Variants in RUFY4 observed in about 807,000 individuals in gnomAD.
RUFY4 encodes the protein RUN and FYVE domain-containing protein 4.
In RUFY4, 73 loss-of-function variants were observed where a neutral mutation model predicts 69.0. The ratio of observed to expected loss-of-function variants is 1.06; its 90% CI spans 0.88 to 1.29. The LOEUF is 1.29. Ranked by LOEUF, RUFY4 falls within the 50% of genes most tolerant of loss-of-function variation. The pLI, the probability that RUFY4 is intolerant of heterozygous loss-of-function variation, is 0.00. For missense variants in RUFY4, 770 were observed against 705.6 expected (o/e 1.09, Z -1.03); for synonymous variants, 287 against 271.8 (o/e 1.06, Z -0.55).
exon 2 of RUFY4, chr2:218,070,794 G>C: frequency 9.1e-6 from 14 of 1,537,198 alleles, no homozygotes; most frequent in Non-Finnish European, 1.2e-5. Flanking sequence ...GGATGGGCAG[G>C]GGCCAGTGAC....
intron 2 of RUFY4, among the ~76,000 whole-genome samples, chr2:218,049,294 G>A (rs1485942560): frequency 6.6e-6 from 1 of 152,122 alleles, no homozygotes; most frequent in Non-Finnish European, 1.5e-5. Flanking sequence ...TCCAGAGTTG[G>A]CAGGTGTTTT....
chr2:218,048,779 T>G (rs1688883709), intron 2 of RUFY4, among the ~76,000 whole-genome samples: 1 of 152,214 alleles, frequency 6.6e-6, no homozygotes, highest in South Asian at 2.1e-4. Context: ...AGTGTCATTT[T>G]TAGTGGATTT....
chr2:218,089,474 G>C (rs1456012562), intron 10 of RUFY4, 112 bp downstream of exon 12: 4 of 825,140 alleles, frequency 4.8e-6, no homozygotes, highest in Non-Finnish European at 7.8e-6. Context: ...GTTTATAAAA[G>C]GCCACTTACA....
intron 3 of RUFY4, among the ~76,000 whole-genome samples, chr2:218,063,355 T>C (rs1292487085): frequency 6.6e-6 from 1 of 151,824 alleles, no homozygotes; most frequent in Non-Finnish European, 1.5e-5. Flanking sequence ...CTGGGCACAG[T>C]CAGAAAAAGA....
chr2:218,089,389 C>T (rs1689976842), intron 10 of RUFY4, 27 bp downstream of exon 12: 1 of 1,596,072 alleles, frequency 6.3e-7, no homozygotes. Context: ...AGAATCCTCC[C>T]TCTGGGACAG....
chr2:218,055,023 T>C (rs985953557), intron 2 of RUFY4, among the ~76,000 whole-genome samples: 2 of 152,216 alleles, frequency 1.3e-5, no homozygotes, highest in Non-Finnish European at 2.9e-5. Context: ...TATTTTAACC[T>C]ATTTCCGGGT....
chr2:218,058,280 TA>T (rs1299483448), intron 2 of RUFY4, among the ~76,000 whole-genome samples: 1 of 152,198 alleles, frequency 6.6e-6, no homozygotes. Context: ...TTTAACGTTT[TA>T]AAACATTTTC....
rs190604567 is a variant in RUFY4, at chr2:218,060,964, G to A, written c.-1071+2283G>A. On this transcript the variant is annotated intron_variant and NMD_transcript_variant, in intron 3 of 13. Transcript: ENST00000457754. ...AAGTGGCGCTGCTGGGTCAGTGTGC[G>A]TGTGGCATGGACAATGGCCAGGTAA... 9.1e-4 allele frequency: 750 copies of A among 824,646 alleles called. 4 individuals carry two copies. In the African/African-American group the frequency reaches 0.011, roughly 12 times the overall value. The allele number at this position is 824,646 out of a possible 1,614,324, so 51.1% of individuals were successfully genotyped here.
At chr2:218,068,179 G>GGGCAGGGGGCTGGAGGAC (rs1384826808), upstream of RUFY4, among the ~76,000 whole-genome samples, 13 of 149,016 alleles carry the variant, frequency 8.7e-5, no homozygotes, top group African/African-American at 3.2e-4. Context: ...GGTTAGAGGA[G>GGGCAGGGGGCTGGAGGAC]GGCAGGGGAC....
At chr2:218,042,654 A>G (rs1431629767) in intron 2 of RUFY4, among the ~76,000 whole-genome samples, 1 of 152,174 alleles carries the variant, frequency 6.6e-6, no homozygotes, top group Admixed American at 6.5e-5. Context: ...CATAGCAGCA[A>G]GCATGAAAGT....
chr2:218,073,507 C>T, intron 5 of RUFY4, 121 bp downstream of exon 7: 1 of 1,370,930 alleles, frequency 7.3e-7, no homozygotes, highest in Non-Finnish European at 1.0e-6. Flanking sequence ...TCCTTTTGCT[C>T]CATGCCTTTG....
At chr2:218,052,463 C>A (rs1688965960) in intron 2 of RUFY4, among the ~76,000 whole-genome samples, 1 of 152,200 alleles carries the variant, frequency 6.6e-6, no homozygotes, top group South Asian at 2.1e-4. Flanking sequence ...CATACTCTTA[C>A]CGTGTCTAAT....
At position 218,077,591 on chromosome 2, in the gene RUFY4, G is replaced by T. The variant is rs540183842; in HGVS notation, c.1355+1058G>T. 1.1e-4 allele frequency among the ~76,000 whole-genome samples: 16 copies of T among 152,228 alleles called. No homozygotes were observed. The South Asian group carries it at 2.5e-3, about 24-fold the overall frequency. On this transcript the variant is annotated intron_variant, in intron 8 of 10. Coordinates refer to ENST00000344321, the Ensembl canonical transcript of RUFY4. ...TCTGTGTCTCTCTCCTGTGGTCTCC[G>T]GGTACGTCAGTCTGCCCACCTGCCC... is the stretch of plus-strand genomic sequence containing the variant.
chr2:218,063,046 T>C (rs1192435256), intron 3 of RUFY4, among the ~76,000 whole-genome samples: 2 of 152,238 alleles, frequency 1.3e-5, no homozygotes, highest in Non-Finnish European at 2.9e-5. Context: ...CTGCCCTTGC[T>C]ACAGGGACAG....
At chr2:218,053,906 A>G (rs539365059) in intron 2 of RUFY4, among the ~76,000 whole-genome samples, 19 of 152,272 alleles carry the variant, frequency 1.2e-4, no homozygotes, top group African/African-American at 4.3e-4. Context: ...TGGCCTCCCA[A>G]AGTGCTGGAA....
rs368584402 is a variant in RUFY4 at position 218,072,769 on chromosome 2, C to T, written c.280-10C>T. The T allele has an allele frequency of 1.3e-5, 19 of 1,511,000 alleles. No homozygotes were observed. The African/African-American group carries it at 2.5e-4, about 20-fold the overall frequency. The allele number at this position is 1,511,000 out of a possible 1,614,324, so 93.6% of individuals were successfully genotyped here. A position where few individuals can be genotyped will look rare whatever the true frequency, so the allele number is the denominator to read the frequency against. ...TACTGCTCCCCATTCTGCCCCTGTG[C>T]ACTCTGCAGTTGAAGACCCCTCTGG... On this transcript the variant is annotated splice_polypyrimidine_tract_variant and intron_variant, in intron 3 of 10. Coordinates refer to ENST00000344321, the Ensembl canonical transcript of RUFY4.
chr2:218,070,811 C>G (rs1301774497), exon 2 of RUFY4: 1 of 1,537,230 alleles, frequency 6.5e-7, no homozygotes, highest in South Asian at 1.2e-5. Flanking sequence ...TGACGGACAC[C>G]AGTGCCGAGC....
chr2:218,089,648 C>A (rs1245840511), intron 10 of RUFY4: 1 of 701,800 alleles, frequency 1.4e-6, no homozygotes, highest in Admixed American at 2.0e-5. Flanking sequence ...AGCATCTGTA[C>A]AGCGTAAGCT....
chr2:218,066,201 G>A (rs1342355555), upstream of RUFY4, among the ~76,000 whole-genome samples: 1 of 44,242 alleles, frequency 2.3e-5, no homozygotes, highest in African/African-American at 9.7e-5. Context: ...TTTTTTTTTT[G>A]AGAAGGAATT....
Sources: allele counts gnomAD v4.1 joint callset (sites outside exome capture counted in the v4.1 genomes callset), GRCh38; gene constraint gnomAD v4.1.1; transcripts MANE v1.5; gene names NCBI Gene and HGNC (gene_info 2026-07-23, HGNC 2026-07-21).